TPRG1: variants seen among roughly 807,000 people sequenced by gnomAD.
The protein encoded by TPRG1 is tumor protein p63 regulated 1, also known as tumor protein p63-regulated gene 1 protein.
Under a neutral mutation model 29.3 loss-of-function variants are expected in TPRG1, and 29 were observed. The observed-to-expected ratio is 0.99, with a 90% CI of 0.74 to 1.35. TPRG1 has a LOEUF of 1.35. TPRG1 is among the 40% of genes most tolerant of loss of function. The pLI is 0.00. For synonymous variants in TPRG1, 130 were observed against 116.8 expected, an observed-to-expected ratio of 1.11 and a Z score of -0.73; for missense variants, 327 against 335.0, an observed-to-expected ratio of 0.98 and a Z score of 0.19.
At chr3:189,226,713 G>A (rs1195014892) in intron 3 of TPRG1, among the ~76,000 whole-genome samples, 5 of 133,024 alleles carry the variant, frequency 3.8e-5, no homozygotes, top group African/African-American at 1.2e-4. Flanking sequence ...AAAAAAAACC[G>A]AAAGAACTAT....
intron 4 of TPRG1, among the ~76,000 whole-genome samples, chr3:189,277,042 CTGGGTGAGACGCTG>C (rs1437951809): frequency 6.6e-6 from 1 of 152,098 alleles, no homozygotes; most frequent in African/African-American, 2.4e-5. Flanking sequence ...AATTGCAGCA[CTGGGTGAGACGCTG>C]CTCGAGGAGG....
intron 4 of TPRG1, among the ~76,000 whole-genome samples, chr3:189,283,319 G>A (rs902200358): frequency 2.6e-5 from 4 of 152,108 alleles, no homozygotes; most frequent in Non-Finnish European, 5.9e-5. Flanking sequence ...ATGACATTCA[G>A]CTTCTACCAG....
intron 3 of TPRG1, among the ~76,000 whole-genome samples, chr3:189,226,917 G>A (rs1027258788): frequency 6.6e-6 from 1 of 151,808 alleles, no homozygotes; most frequent in African/African-American, 2.4e-5. Flanking sequence ...GACAATAAGG[G>A]ATTATAGCTA....
intron 4 of TPRG1, among the ~76,000 whole-genome samples, chr3:189,286,792 GA>G (rs1718133433): frequency 6.6e-6 from 1 of 152,096 alleles, no homozygotes; most frequent in African/African-American, 2.4e-5. Flanking sequence ...GAGACAGAGA[GA>G]GATGAAATGA....
At chr3:189,262,316 G>T (rs756571264) in intron 4 of TPRG1, among the ~76,000 whole-genome samples, 1 of 151,878 alleles carries the variant, frequency 6.6e-6, no homozygotes, top group Non-Finnish European at 1.5e-5. Context: ...GGTTTTTTCT[G>T]GTGTGGGAGA....
At chr3:189,207,305 GT>G (rs767512721) in intron 1 of TPRG1, 70 bp from the exon 2 acceptor site, 42 of 1,557,772 alleles carry the variant, frequency 2.7e-5, no homozygotes, top group Admixed American at 5.5e-5. Flanking sequence ...ATCATATTCT[GT>G]TTTGCCATAG....
intron 4 of TPRG1, among the ~76,000 whole-genome samples, chr3:189,040,060 G>A (rs1389478960): frequency 6.6e-6 from 1 of 152,058 alleles, no homozygotes; most frequent in Non-Finnish European, 1.5e-5. Flanking sequence ...TTTCTATAGA[G>A]GCTATGCCTG....
chr3:189,008,436 A>G (rs1161429866), intron 3 of TPRG1, among the ~76,000 whole-genome samples: 1 of 152,216 alleles, frequency 6.6e-6, no homozygotes, highest in African/African-American at 2.4e-5. Flanking sequence ...TTATAGCTTT[A>G]CAGGTGATTC....
intron 5 of TPRG1, among the ~76,000 whole-genome samples, chr3:189,155,610 C>G (rs2108613362): frequency 6.6e-6 from 1 of 152,244 alleles, no homozygotes. Context: ...TGAAAGCATT[C>G]ATCGATAGAT....
intron 3 of TPRG1, among the ~76,000 whole-genome samples, chr3:189,222,260 C>T (rs1737056992): frequency 6.6e-6 from 1 of 152,076 alleles, no homozygotes; most frequent in Non-Finnish European, 1.5e-5. Flanking sequence ...TACCTTGTCA[C>T]AGTCTCATTA....
intron 1 of TPRG1, among the ~76,000 whole-genome samples, chr3:189,175,822 A>G (rs972467515): frequency 4.6e-5 from 7 of 152,224 alleles, no homozygotes; most frequent in African/African-American, 1.2e-4. Flanking sequence ...AAGAAAGTCT[A>G]TTCCTCTGGG....
At chr3:189,302,221 C>A (rs1158830969) in intron 4 of TPRG1, among the ~76,000 whole-genome samples, 3 of 152,124 alleles carry the variant, frequency 2.0e-5, no homozygotes, top group Non-Finnish European at 4.4e-5. Context: ...TGTTTTATAT[C>A]TTTCGAGGTC....
chr3:189,000,158 G>A (rs1711958478), intron 1 of TPRG1, among the ~76,000 whole-genome samples: 1 of 152,098 alleles, frequency 6.6e-6, no homozygotes, highest in Non-Finnish European at 1.5e-5. Flanking sequence ...CTGTTGGCCA[G>A]TTTTCTTTTG....
intron 3 of TPRG1, among the ~76,000 whole-genome samples, chr3:189,237,053 A>G (rs1240834490): frequency 6.6e-6 from 1 of 152,190 alleles, no homozygotes; most frequent in East Asian, 1.9e-4. Flanking sequence ...CAGACGTGGA[A>G]CCTGGGCCAT....
intron 3 of TPRG1, among the ~76,000 whole-genome samples, chr3:189,133,266 A>G (rs1380461654): frequency 2.0e-5 from 3 of 152,178 alleles, no homozygotes; most frequent in Non-Finnish European, 4.4e-5. Context: ...TGCTAGGGAG[A>G]CAGGGAGAGA....
chr3:189,121,973 TTAGTATC>T (rs1721867886), intron 1 of TPRG1: 1 of 151,992 alleles, frequency 6.6e-6, no homozygotes, highest in Non-Finnish European at 1.5e-5. Flanking sequence ...CTAATTTTCT[TTAGTATC>T]TAGTATTTAT....
At chr3:189,218,889 G>A (rs1302448032) in intron 3 of TPRG1, among the ~76,000 whole-genome samples, 1 of 152,168 alleles carries the variant, frequency 6.6e-6, no homozygotes, top group Non-Finnish European at 1.5e-5. Flanking sequence ...TGATGTAGGA[G>A]GGCAAGGTGG....
rs1393450114 is a variant in TPRG1, at chr3:189,324,361, C to G, written c.*3541C>G. 6.6e-5 allele frequency: 10 copies of G among 152,122 alleles called. No homozygotes were observed. Among genetic ancestry groups the G allele is most frequent in the Non-Finnish European group, 1.3e-4 (9 of 68,032 alleles). 9.4% of individuals were successfully genotyped at this position (152,122 alleles called of 1,614,324 possible). A position where few individuals can be genotyped will look rare whatever the true frequency, so the allele number is the denominator to read the frequency against. On this transcript the variant is annotated 3_prime_UTR_variant, in exon 6 of 6. Transcript: ENST00000345063. The stretch of plus-strand genomic sequence containing the variant: ...TTAGACTACATTTTCCAATTTCTAT[C>G]CCTAGCCCACTGCTCTTTCCAATAT...
chr3:189,161,174 C>G (rs757985190), intron 5 of TPRG1, among the ~76,000 whole-genome samples: 4 of 152,028 alleles, frequency 2.6e-5, no homozygotes, highest in South Asian at 2.1e-4. Flanking sequence ...TGTTTATTGT[C>G]TTTTACGACA....
Sources: gnomAD v4.1 joint callset for allele counts (sites outside exome capture counted in the v4.1 genomes callset) on GRCh38, gnomAD v4.1.1 for gene constraint, MANE v1.5 for transcripts, NCBI Gene and HGNC (gene_info 2026-07-23, HGNC 2026-07-21) for gene names.